C16orf96: variants seen among roughly 807,000 people sequenced by gnomAD.
C16orf96 encodes the protein chromosome 16 open reading frame 96.
C16orf96 carries 108 observed loss-of-function variants against 103.6 expected under a neutral mutation model. The ratio of observed to expected loss-of-function variants is 1.04; its 90% confidence interval spans 0.89 to 1.22. The LOEUF (loss-of-function observed/expected upper bound fraction) is 1.22. Ranked by LOEUF, C16orf96 falls within the 50% of genes most tolerant of loss-of-function variation. C16orf96 has a pLI of 0.00. For missense variants in C16orf96, 1,586 were observed against 1,464.2 expected, an observed-to-expected ratio of 1.08 and a Z score of -1.36; for synonymous variants, 566 against 593.5, an observed-to-expected ratio of 0.95 and a Z score of 0.67.
At chr16:4,553,573 G>A (rs2059240241), upstream of C16orf96, among the ~76,000 whole-genome samples, 1 of 151,958 alleles carries the variant, frequency 6.6e-6, no homozygotes, top group Non-Finnish European at 1.5e-5. Context: ...CTACTCCTGG[G>A]CTCAAGCGAT....
chr16:4,550,437 A>G, the C16orf96 span, among the ~76,000 whole-genome samples: 2 of 152,144 alleles, frequency 1.3e-5, no homozygotes, highest in East Asian at 3.8e-4. Context: ...GACTGGTCCA[A>G]GGAGGTACCT....
At chr16:4,545,158 C>T in the C16orf96 span, among the ~76,000 whole-genome samples, 4 of 152,138 alleles carry the variant, frequency 2.6e-5, no homozygotes, top group African/African-American at 9.7e-5. Context: ...CTTCTGAATC[C>T]TCTCCCCCGC....
At chr16:4,566,355 C>T (rs1185896924) in intron 1 of C16orf96, among the ~76,000 whole-genome samples, 2 of 152,174 alleles carry the variant, frequency 1.3e-5, no homozygotes, top group East Asian at 3.9e-4. Context: ...ATCTGACTTT[C>T]GCTTCTGACC....
At chr16:4,596,484 C>CAA (rs35069884) in intron 14 of C16orf96, among the ~76,000 whole-genome samples, 2,054 of 117,866 alleles carry the variant, frequency 0.017, 38 homozygotes, top group African/African-American at 0.038. Flanking sequence ...GACTTCGTCT[C>CAA]AAAAAAAAAA....
chr16:4,579,436 C>A (rs532085670), intron 6 of C16orf96, among the ~76,000 whole-genome samples: 1 of 151,902 alleles, frequency 6.6e-6, no homozygotes, highest in African/African-American at 2.4e-5. Context: ...TCCCTACAGT[C>A]CCAACTACTC....
At chr16:4,562,651 A>G (rs918116633) in intron 1 of C16orf96, among the ~76,000 whole-genome samples, 1 of 152,200 alleles carries the variant, frequency 6.6e-6, no homozygotes, top group Non-Finnish European at 1.5e-5. Flanking sequence ...TTCATTCAAC[A>G]TTTTTAATAA....
Position 4,600,233 on chromosome 16 carries a change from C to T in C16orf96, c.3342C>T (p.Ala1114=). 6.4e-7 allele frequency: 1 copy of T among 1,551,598 alleles called. No individual in the cohort carries two copies. The highest frequency in any genetic ancestry group is 8.7e-7 in the Non-Finnish European group (1 of 1,146,958). Residue 1114 remains alanine (A), a synonymous_variant, in exon 16 of 16, where the codon GCC becomes GCT. Coordinates refer to ENST00000444310, the MANE Select transcript of C16orf96 (RefSeq NM_001145011.2). The part of the protein sequence containing the change: ...LIPSLRDPQQ[A]PGSTRLSRAP... ...CATCCCTAAGGGACCCCCAGCAGGC[C>T]CCAGGGTCCACCAGGCTCTCAAGAG...
the C16orf96 span, among the ~76,000 whole-genome samples, chr16:4,551,159 C>T: frequency 6.6e-6 from 1 of 152,192 alleles, no homozygotes; most frequent in Non-Finnish European, 1.5e-5. Context: ...ATGGTTTTAG[C>T]TACTCGGAGG....
chr16:4,593,166 C>T lies in C16orf96; in HGVS notation c.2775-58C>T, dbSNP rs899419983. The T allele has an allele frequency of 3.2e-5, 48 of 1,484,744 alleles. 1 individual carries two copies. The highest frequency in any genetic ancestry group is 2.5e-5 in the Non-Finnish European group (27 of 1,088,364). 92.0% of individuals were successfully genotyped at this position (1,484,744 alleles called of 1,614,324 possible). A position where few individuals can be genotyped will look rare whatever the true frequency, so the allele number is the denominator to read the frequency against. On this transcript the variant is annotated intron_variant, in intron 11 of 15. Transcript: ENST00000444310. The surrounding 1 kb of genome is among the most constrained non-coding windows in gnomAD (Gnocchi z 4.2). ...GCTTCCTGGAGGGGTGGGAGACGAG[C>T]CCTCTGCTGGCCTAGCACGCCTCCC...
chr16:4,559,503 A>G (rs191367643), intron 1 of C16orf96, among the ~76,000 whole-genome samples: 155 of 151,948 alleles, frequency 1.0e-3, no homozygotes, highest in African/African-American at 3.7e-3. Context: ...GTGGGCGGAG[A>G]TTGCGCCACT....
the C16orf96 span, among the ~76,000 whole-genome samples, chr16:4,539,618 G>T: frequency 6.6e-6 from 1 of 152,114 alleles, no homozygotes; most frequent in East Asian, 1.9e-4. Flanking sequence ...CCGAGAGATG[G>T]AGGTTGCAGT....
chr16:4,555,737 G>A (rs1419378361), upstream of C16orf96, among the ~76,000 whole-genome samples: 1 of 121,852 alleles, frequency 8.2e-6, no homozygotes, highest in African/African-American at 3.2e-5. Context: ...TCACTCTGTT[G>A]CCCAGGCTAA....
intron 1 of C16orf96, among the ~76,000 whole-genome samples, chr16:4,570,079 C>T (rs1222619990): frequency 7.3e-5 from 11 of 150,434 alleles, no homozygotes; most frequent in East Asian, 4.0e-4. Flanking sequence ...AAAGCCAGGG[C>T]GCTTTGTGCC....
intron 5 of C16orf96, 54 bp downstream of exon 5, chr16:4,576,689 G>T: frequency 3.4e-6 from 5 of 1,471,806 alleles, no homozygotes; most frequent in Non-Finnish European, 4.6e-6. Context: ...TCTCCCTGCA[G>T]CCTTTGAGAA....
At chr16:4,541,827 C>CT in the C16orf96 span, among the ~76,000 whole-genome samples, 1 of 152,164 alleles carries the variant, frequency 6.6e-6, no homozygotes, top group Admixed American at 6.5e-5. Context: ...TGTATATTAA[C>CT]TAAGTTGCCT....
At chr16:4,548,709 C>G in the C16orf96 span, among the ~76,000 whole-genome samples, 3 of 152,048 alleles carry the variant, frequency 2.0e-5, no homozygotes, top group Non-Finnish European at 2.9e-5. Flanking sequence ...CCCATCACTA[C>G]TAAAGATACA....
At chr16:4,590,739 C>G (rs1377075557) in intron 9 of C16orf96, among the ~76,000 whole-genome samples, 1 of 149,822 alleles carries the variant, frequency 6.7e-6, no homozygotes, top group African/African-American at 2.5e-5. Flanking sequence ...AAAGATTAGG[C>G]TGGGCGTGGT....
chr16:4,557,621 G>C (rs1306151834), intron 1 of C16orf96, among the ~76,000 whole-genome samples: 1 of 152,188 alleles, frequency 6.6e-6, no homozygotes, highest in East Asian at 1.9e-4. Context: ...TGTACTAAAT[G>C]ACACTGAATT....
chr16:4,542,425 A>G, the C16orf96 span, among the ~76,000 whole-genome samples: 1 of 152,240 alleles, frequency 6.6e-6, no homozygotes, highest in Non-Finnish European at 1.5e-5. Flanking sequence ...CATTAAAAGT[A>G]TAAAAAGACA....
Sources: gnomAD v4.1 joint callset for allele counts (sites outside exome capture counted in the v4.1 genomes callset) on GRCh38, gnomAD v4.1.1 for gene constraint, Gnocchi (gnomAD v3.1) non-coding constraint, MANE v1.5 for transcripts, NCBI Gene and HGNC (gene_info 2026-07-23, HGNC 2026-07-21) for gene names.